ZCCHC7: variants seen among roughly 807,000 people sequenced by gnomAD.
ZCCHC7 encodes zinc finger CCHC-type containing 7, also known as zinc finger CCHC domain-containing protein 7.
Under a neutral mutation model 52.0 loss-of-function variants are expected in ZCCHC7, and 35 were observed. That is an observed-to-expected ratio of 0.67 (90% CI 0.51 to 0.89). ZCCHC7 has a LOEUF of 0.89. Among genes scored for constraint, ZCCHC7 ranks in the 40% least tolerant of loss-of-function variants. The probability of loss-of-function intolerance (pLI) is 0.00; values close to 1 mark genes in which losing one functional copy is unlikely to be tolerated. For missense variants in ZCCHC7, 574 were observed against 649.1 expected, an observed-to-expected ratio of 0.88 and a Z score of 1.26; for synonymous variants, 217 against 221.5, an observed-to-expected ratio of 0.98 and a Z score of 0.18.
chr9:37,282,971 G>GTGGGA (rs780845216), intron 2 of ZCCHC7, among the ~76,000 whole-genome samples: 41 of 148,490 alleles, frequency 2.8e-4, no homozygotes, highest in African/African-American at 7.4e-4. Context: ...GTGGGGTGGG[G>GTGGGA]TGGGATGGGG....
At chr9:37,311,706 C>T (rs1829610274) in intron 5 of ZCCHC7, among the ~76,000 whole-genome samples, 1 of 152,122 alleles carries the variant, frequency 6.6e-6, no homozygotes, top group African/African-American at 2.4e-5. Flanking sequence ...CTACTGCGCC[C>T]GGCCTTTTTA....
At position 37,327,836 on chromosome 9, in the gene ZCCHC7, T is replaced by A; in HGVS notation, c.987+2T>A. On this transcript the variant is annotated splice_donor_variant, in intron 6 of 8. Transcript: ENST00000336755. LOFTEE classifies it high-confidence loss of function. ...ATCTGGAGGCAGTATCACCTAACGG[T>A]GAGTAGAAACACCTTTTTTATTTTC... The A allele has an allele frequency of 6.2e-7, 1 of 1,612,970 alleles. No homozygotes were observed. Among genetic ancestry groups the A allele is most frequent in the Non-Finnish European group, 8.5e-7 (1 of 1,179,222 alleles).
chr9:37,266,632 G>A (rs946195803), intron 2 of ZCCHC7, among the ~76,000 whole-genome samples: 1 of 152,110 alleles, frequency 6.6e-6, no homozygotes, highest in Non-Finnish European at 1.5e-5. Context: ...CCAGTACTTT[G>A]GGAGGCTGAG....
chr9:37,164,513 G>GACAAA (rs1821311686), intron 2 of ZCCHC7, among the ~76,000 whole-genome samples: 3 of 150,510 alleles, frequency 2.0e-5, no homozygotes, highest in African/African-American at 5.0e-5. Context: ...AGACAAGATA[G>GACAAA]ATAGACTCTG....
At chr9:37,163,383 C>A (rs1011749026) in intron 2 of ZCCHC7, among the ~76,000 whole-genome samples, 1 of 78,696 alleles carries the variant, frequency 1.3e-5, no homozygotes, top group African/African-American at 5.1e-5. Flanking sequence ...AAGACTCCAT[C>A]TCAAAAAAAA....
At position 37,120,636 on chromosome 9, in the gene ZCCHC7, G is replaced by C. The variant is rs1317749649; in HGVS notation, c.-22+13G>C. The C allele has an allele frequency of 1.0e-5, 4 of 396,090 alleles. No individual in the cohort carries two copies. Among genetic ancestry groups the C allele is most frequent in the Non-Finnish European group, 1.8e-5 (4 of 224,230 alleles). 24.5% of individuals were successfully genotyped at this position (396,090 alleles called of 1,614,324 possible). A position where few individuals can be genotyped will look rare whatever the true frequency, so the allele number is the denominator to read the frequency against. ...CGCAGCTGCGGCAGTGAGTATGTGT[G>C]TGACGGACCCCCGCCGCCCGCGGCT... On this transcript the variant is annotated intron_variant, in intron 1 of 8. Transcript: ENST00000336755.
intron 6 of ZCCHC7, among the ~76,000 whole-genome samples, chr9:37,338,264 A>C (rs1830768670): frequency 6.6e-6 from 1 of 152,172 alleles, no homozygotes; most frequent in African/African-American, 2.4e-5. Context: ...GCTTCTTTTT[A>C]GTTTTCAGAT....
At chr9:37,180,581 T>C (rs560347546) in intron 2 of ZCCHC7, among the ~76,000 whole-genome samples, 5 of 152,270 alleles carry the variant, frequency 3.3e-5, no homozygotes, top group African/African-American at 4.8e-5. Flanking sequence ...ATGCCACTTA[T>C]TTATAGAGGA....
intron 2 of ZCCHC7, among the ~76,000 whole-genome samples, chr9:37,185,137 C>A (rs1008490245): frequency 2.6e-5 from 4 of 152,112 alleles, no homozygotes; most frequent in African/African-American, 9.7e-5. Context: ...TGGCAGACAC[C>A]AGGCCAACAG....
At chr9:37,210,151 T>C (rs188593243) in intron 2 of ZCCHC7, among the ~76,000 whole-genome samples, 80 of 152,316 alleles carry the variant, frequency 5.3e-4, no homozygotes, top group African/African-American at 1.9e-3. Flanking sequence ...CTGGCTCTCA[T>C]CTCCCTGGCT....
chr9:37,182,182 C>T (rs570937626), intron 2 of ZCCHC7, among the ~76,000 whole-genome samples: 2 of 152,146 alleles, frequency 1.3e-5, no homozygotes, highest in Admixed American at 6.5e-5. Context: ...CGAGGCTGGC[C>T]TTTTAATGAG....
intron 1 of ZCCHC7, among the ~76,000 whole-genome samples, chr9:37,125,861 T>C (rs1842517376): frequency 6.6e-6 from 1 of 152,254 alleles, no homozygotes; most frequent in East Asian, 1.9e-4. Context: ...CTATATCTTT[T>C]GTATGTTTAG....
At chr9:37,282,067 C>T (rs972917399) in intron 2 of ZCCHC7, among the ~76,000 whole-genome samples, 3 of 152,094 alleles carry the variant, frequency 2.0e-5, no homozygotes, top group African/African-American at 7.2e-5. Context: ...TTTTCATTTT[C>T]TTCAGAATCA....
intron 2 of ZCCHC7, among the ~76,000 whole-genome samples, chr9:37,141,417 G>T (rs1843223269): frequency 6.6e-6 from 1 of 151,780 alleles, no homozygotes; most frequent in Non-Finnish European, 1.5e-5. Flanking sequence ...ATGGGGACTA[G>T]CAGGGGAAAA....
chr9:37,134,746 A>G (rs1439565719), intron 2 of ZCCHC7, among the ~76,000 whole-genome samples: 1 of 151,826 alleles, frequency 6.6e-6, no homozygotes, highest in Non-Finnish European at 1.5e-5. Context: ...ATTTTTTGAG[A>G]CGGAATTTCG....
At chr9:37,273,964 AC>A (rs1334336889) in intron 2 of ZCCHC7, among the ~76,000 whole-genome samples, 1 of 152,126 alleles carries the variant, frequency 6.6e-6, no homozygotes, top group Admixed American at 6.5e-5. Flanking sequence ...CTTCTAAAAA[AC>A]CAGAACACTT....
intron 5 of ZCCHC7, among the ~76,000 whole-genome samples, chr9:37,321,248 A>G (rs564331031): frequency 6.6e-6 from 1 of 152,066 alleles, no homozygotes; most frequent in South Asian, 2.1e-4. Flanking sequence ...TCGGCCTCCC[A>G]AAGTGCTGGG....
intron 2 of ZCCHC7, among the ~76,000 whole-genome samples, chr9:37,248,489 A>G (rs1189615169): frequency 6.6e-6 from 1 of 152,236 alleles, no homozygotes; most frequent in African/African-American, 2.4e-5. Flanking sequence ...TAGACTCTAC[A>G]ACTTCAGTTA....
chr9:37,334,943 A>G (rs1830587685), intron 6 of ZCCHC7, among the ~76,000 whole-genome samples: 1 of 152,146 alleles, frequency 6.6e-6, no homozygotes, highest in Admixed American at 6.6e-5. Flanking sequence ...TTAGCTTTGT[A>G]AAAGGAATGC....
Sources: gnomAD v4.1 joint callset for allele counts (sites outside exome capture counted in the v4.1 genomes callset) on GRCh38, gnomAD v4.1.1 for gene constraint, MANE v1.5 for transcripts, NCBI Gene and HGNC (gene_info 2026-07-23, HGNC 2026-07-21) for gene names.